DAB1: variants seen among roughly 807,000 people sequenced by gnomAD.
DAB1 encodes the protein DAB adaptor protein 1.
Under a neutral mutation model 64.6 loss-of-function variants are expected in DAB1, and 15 were observed. The observed-to-expected ratio is 0.23, with a 90% CI of 0.16 to 0.36. The LOEUF is 0.36. DAB1 is among the 10% of genes least tolerant of loss of function. DAB1 has a pLI of 1.00. For synonymous variants in DAB1, 235 were observed against 251.9 expected (o/e 0.93, Z 0.64); for missense variants, 596 against 706.7 (o/e 0.84, Z 1.78).
rs1392925232 is a variant in DAB1, at chr1:57,877,705, C to T, written n.87+6294G>A. 2.4e-5 allele frequency among the ~76,000 whole-genome samples: 2 copies of T among 83,412 alleles called. 1 individual carries two copies. Among genetic ancestry groups the T allele is most frequent in the Non-Finnish European group, 4.8e-5 (2 of 41,594 alleles). The allele number at this position is 83,412 out of a possible 152,430, so 54.7% of individuals were successfully genotyped here. On this transcript the variant is annotated intron_variant and non_coding_transcript_variant, in intron 1 of 1. Coordinates refer to the DAB1 transcript ENST00000477280. ...CCTCCCGAGTAGCTGGGACTACAGGCGCCCACCACCGCGCCCGGCTAATTT... is the reference window on the plus strand; with the variant it reads ...CCTCCCGAGTAGCTGGGACTACAGGTGCCCACCACCGCGCCCGGCTAATTT...
At chr1:58,026,625 G>A (rs1186526627) in intron 5 of DAB1, among the ~76,000 whole-genome samples, 1 of 152,184 alleles carries the variant, frequency 6.6e-6, no homozygotes, top group Non-Finnish European at 1.5e-5. Flanking sequence ...GCAAAGAAAA[G>A]TGGAAGAATC....
chr1:58,043,890 G>T (rs1373491381), intron 5 of DAB1, among the ~76,000 whole-genome samples: 1 of 152,040 alleles, frequency 6.6e-6, no homozygotes, highest in Non-Finnish European at 1.5e-5. Context: ...ACTACGTTTG[G>T]CCAATTTTTG....
At chr1:58,303,938 A>G (rs1448765459) in intron 4 of DAB1, among the ~76,000 whole-genome samples, 3 of 152,090 alleles carry the variant, frequency 2.0e-5, no homozygotes, top group African/African-American at 7.2e-5. Flanking sequence ...CCCAGGGACA[A>G]TAGGGCCCAA....
At position 57,910,973 on chromosome 1, in the gene DAB1, T is replaced by C. The variant is rs1644635367; in HGVS notation, n.388-26811A>G. Among the ~76,000 whole-genome samples, 3 of 152,214 alleles carry C rather than the reference T, an allele frequency of 2.0e-5. No homozygotes were observed. The South Asian group carries it at 6.2e-4, about 32-fold the overall frequency. The stretch of plus-strand genomic sequence containing the variant: ...TGTGAGGCTTAAATGAAAGAAGGAA[T>C]GTAGAACAGTACCAGATACTTAGAA... On this transcript the variant is annotated intron_variant and non_coding_transcript_variant, in intron 5 of 20. Transcript: ENST00000485760.
intron 3 of DAB1, among the ~76,000 whole-genome samples, chr1:58,489,112 G>A (rs1305511768): frequency 6.6e-6 from 1 of 152,192 alleles, no homozygotes; most frequent in Non-Finnish European, 1.5e-5. Context: ...AGTCGGTGCA[G>A]CGCACCGAGC....
chr1:57,001,377 G>A (rs2101624318), intron 14 of DAB1, among the ~76,000 whole-genome samples: 1 of 152,262 alleles, frequency 6.6e-6, no homozygotes, highest in South Asian at 2.1e-4. Context: ...ATCACCCACA[G>A]GGTAGGTCAA....
intron 4 of DAB1, among the ~76,000 whole-genome samples, chr1:58,301,954 C>G (rs1197895643): frequency 6.6e-6 from 1 of 152,082 alleles, no homozygotes; most frequent in Non-Finnish European, 1.5e-5. Context: ...TATTATTTTG[C>G]CTTCTATGAT....
At chr1:57,879,260 G>A (rs1001135800) in intron 1 of DAB1, among the ~76,000 whole-genome samples, 2 of 152,064 alleles carry the variant, frequency 1.3e-5, no homozygotes, top group Non-Finnish European at 2.9e-5. Context: ...TGGGTGGAAG[G>A]GCTGTCTGCC....
At chr1:58,489,305 T>G (rs1645633571) in intron 3 of DAB1, among the ~76,000 whole-genome samples, 1 of 152,210 alleles carries the variant, frequency 6.6e-6, no homozygotes, top group Admixed American at 6.5e-5. Context: ...ATCCCACGCC[T>G]GGCTCAAAGG....
chr1:58,485,624 T>C (rs182472538), intron 3 of DAB1, among the ~76,000 whole-genome samples: 14 of 152,168 alleles, frequency 9.2e-5, no homozygotes, highest in Non-Finnish European at 1.9e-4. Flanking sequence ...TTCCTTTCCA[T>C]ATTCATTTTA....
intron 7 of DAB1, among the ~76,000 whole-genome samples, chr1:57,436,960 G>A (rs548190165): frequency 5.3e-5 from 8 of 150,294 alleles, no homozygotes; most frequent in South Asian, 4.2e-4. Flanking sequence ...CCTGGGAGGC[G>A]GAGCTTGCAG....
chr1:57,183,541 A>G (rs1026863759), intron 2 of DAB1, among the ~76,000 whole-genome samples: 4 of 152,146 alleles, frequency 2.6e-5, no homozygotes, highest in African/African-American at 9.7e-5. Context: ...TGATGAGTCC[A>G]TTCCTGGGCA....
intron 7 of DAB1, among the ~76,000 whole-genome samples, chr1:57,567,643 A>G (rs1482468112): frequency 2.0e-5 from 3 of 152,228 alleles, no homozygotes; most frequent in African/African-American, 7.2e-5. Flanking sequence ...ACAGACAAAC[A>G]GAGAGCCAAA....
At chr1:57,279,234 T>A (rs950891205) in intron 2 of DAB1, among the ~76,000 whole-genome samples, 1 of 152,214 alleles carries the variant, frequency 6.6e-6, no homozygotes. Context: ...GATATTCAAG[T>A]TCTTTATATA....
rs1191588175 is a variant in DAB1, at chr1:57,273,553, GCCTTCCTTCCTTCCTTCCTTCCTT to G, written c.67+17387_67+17410del. Among the ~76,000 whole-genome samples, 35 of 61,956 alleles carry G rather than the reference GCCTTCCTTCCTTCCTTCCTTCCTT, an allele frequency of 5.6e-4. 2 individuals carry two copies. Among genetic ancestry groups the G allele is most frequent in the Non-Finnish European group, 7.3e-4 (19 of 26,160 alleles). The allele number at this position is 61,956 out of a possible 152,430, so 40.6% of individuals were successfully genotyped here. A position where few individuals can be genotyped will look rare whatever the true frequency, so the allele number is the denominator to read the frequency against. On this transcript the variant is annotated intron_variant, in intron 2 of 14. Coordinates refer to ENST00000371236, the MANE Select transcript of DAB1 (RefSeq NM_001365792.1). ...TGCCTGCCTGCCTGCCTGCCTGCCT[GCCTTCCTTCCTTCCTTCCTTCCTT>G]CCTTCCTTCCTTCCTTCCTTCCTTC...
intron 5 of DAB1, among the ~76,000 whole-genome samples, chr1:58,071,363 GGTGTGTGTGT>G (rs548977353): frequency 0.069 from 9,365 of 135,756 alleles, 419 homozygotes; most frequent in African/African-American, 0.13. Context: ...AAAGGAGAAT[GGTGTGTGTGT>G]GTGTGTGTGT....
chr1:58,530,517 A>G, intron 1 of DAB1: 1 of 731,496 alleles, frequency 1.4e-6, no homozygotes, highest in Non-Finnish European at 2.3e-6. Context: ...ATGTAAAAAC[A>G]TCTCTGGATT....
At position 58,369,766 on chromosome 1, in the gene DAB1, C is replaced by T. The variant is rs534913761; in HGVS notation, n.258-26363G>A. On this transcript the variant is annotated intron_variant and non_coding_transcript_variant, in intron 3 of 20. Transcript: ENST00000485760. ...AAGTTCTTTCACTGTACTACAATGCCTTAAACTGTTTATCAAAACAATTTG... is the reference window on the plus strand; with the variant it reads ...AAGTTCTTTCACTGTACTACAATGCTTTAAACTGTTTATCAAAACAATTTG... 8.5e-5 allele frequency among the ~76,000 whole-genome samples: 13 copies of T among 152,304 alleles called. No individual in the cohort carries two copies. The East Asian group carries it at 1.9e-3, about 23-fold the overall frequency.
At chr1:57,048,623 G>T (rs111638978) in intron 9 of DAB1, among the ~76,000 whole-genome samples, 37 of 152,238 alleles carry the variant, frequency 2.4e-4, no homozygotes, top group African/African-American at 7.9e-4. Flanking sequence ...ACCTTCTCTG[G>T]ATCTCTTTCC....
Sources: gnomAD v4.1 joint callset for allele counts (sites outside exome capture counted in the v4.1 genomes callset) on GRCh38, gnomAD v4.1.1 for gene constraint, MANE v1.5 for transcripts, NCBI Gene and HGNC (gene_info 2026-07-23, HGNC 2026-07-21) for gene names.